Variants in GRAMD1C observed in about 807,000 individuals in gnomAD.
GRAMD1C encodes the protein protein Aster-C.
In GRAMD1C, 89 loss-of-function variants were observed where a neutral mutation model predicts 97.8. The ratio of observed to expected loss-of-function variants is 0.91; its 90% CI spans 0.77 to 1.09. The LOEUF is 1.09. Ranked by LOEUF, GRAMD1C falls within the 50% of genes least tolerant of loss-of-function variation. The probability of loss-of-function intolerance (pLI) is 0.00; values close to 1 mark genes in which losing one functional copy is unlikely to be tolerated. For missense variants in GRAMD1C, 740 were observed against 766.4 expected (o/e 0.97, Z 0.41); for synonymous variants, 256 against 267.0 (o/e 0.96, Z 0.40).
chr3:113,922,074 C>CA (rs1559816780), intron 10 of GRAMD1C, among the ~76,000 whole-genome samples: 1 of 148,628 alleles, frequency 6.7e-6, no homozygotes, highest in Non-Finnish European at 1.5e-5. Flanking sequence ...AATTTTCTTT[C>CA]TTTTTTTTTT....
intron 2 of GRAMD1C, among the ~76,000 whole-genome samples, chr3:113,864,871 C>T (rs1018785582): frequency 6.6e-6 from 1 of 152,194 alleles, no homozygotes; most frequent in African/African-American, 2.4e-5. Context: ...CTAACCATCA[C>T]CCAGTTCCAA....
At chr3:113,848,985 A>AAACG (rs1276094057) in intron 2 of GRAMD1C, among the ~76,000 whole-genome samples, 2 of 38 alleles carry the variant, frequency 0.053, no homozygotes, top group African/African-American at 0.33. Context: ...GCAAAATGTA[A>AAACG]AACAAACAAA....
intron 1 of GRAMD1C, among the ~76,000 whole-genome samples, chr3:113,839,749 T>C (rs369178988): frequency 1.3e-5 from 2 of 152,188 alleles, no homozygotes; most frequent in Admixed American, 6.5e-5. Flanking sequence ...ACAGACATGA[T>C]CCCTGCTCTC....
chr3:113,925,823 C>T (rs1020103905), intron 10 of GRAMD1C, among the ~76,000 whole-genome samples: 3 of 152,192 alleles, frequency 2.0e-5, no homozygotes, highest in African/African-American at 7.2e-5. Context: ...TTCTCCTTCA[C>T]TTATGAAACT....
At chr3:113,867,596 C>T (rs34319125) in intron 2 of GRAMD1C, among the ~76,000 whole-genome samples, 44,416 of 152,128 alleles carry the variant, frequency 0.29, 7,760 homozygotes, top group Non-Finnish European at 0.38. Context: ...ACGCCAGGCT[C>T]GGACTTCCTT....
intron 3 of GRAMD1C, among the ~76,000 whole-genome samples, chr3:113,870,897 G>A (rs1178614118): frequency 6.7e-6 from 1 of 148,938 alleles, no homozygotes; most frequent in Non-Finnish European, 1.5e-5. Flanking sequence ...TGGGAGGATT[G>A]CCTGAGGCCA....
At chr3:113,843,285 C>T (rs139831953) in intron 1 of GRAMD1C, among the ~76,000 whole-genome samples, 21 of 151,754 alleles carry the variant, frequency 1.4e-4, no homozygotes, top group Non-Finnish European at 2.9e-4. Flanking sequence ...CTATGTTGCC[C>T]AGGCTGGTCT....
intron 6 of GRAMD1C, chr3:113,890,745 G>A (rs1468960287): frequency 2.9e-6 from 2 of 700,102 alleles, no homozygotes; most frequent in African/African-American, 1.7e-5. Context: ...TCACATTTGT[G>A]CTTATCACAC....
intron 6 of GRAMD1C, among the ~76,000 whole-genome samples, chr3:113,899,561 A>G (rs1437623396): frequency 6.6e-6 from 1 of 152,222 alleles, no homozygotes; most frequent in Non-Finnish European, 1.5e-5. Flanking sequence ...TTAGGTACTA[A>G]ATAAATATCT....
At chr3:113,837,181 A>G (rs1709646720), upstream of GRAMD1C, among the ~76,000 whole-genome samples, 2 of 146,798 alleles carry the variant, frequency 1.4e-5, no homozygotes, top group Admixed American at 7.0e-5. Flanking sequence ...TGTTTTGCCC[A>G]GGCTGGTCTT....
intron 9 of GRAMD1C, among the ~76,000 whole-genome samples, chr3:113,914,293 G>A (rs2712337): frequency 0.22 from 33,564 of 152,080 alleles, 3,861 homozygotes; most frequent in African/African-American, 0.29. Context: ...TTTTGCCTAC[G>A]TAGAGTATTG....
In GRAMD1C at chr3:113,938,110, A is replaced by G. The variant is rs1054555994; in HGVS notation, c.1658A>G (p.Tyr553Cys). 19 of 1,538,984 alleles carry G rather than the reference A, an allele frequency of 1.2e-5. No homozygotes were observed. The highest frequency in any genetic ancestry group is 2.8e-5 in the African/African-American group (2 of 72,006). ...ITGKKKEMEN[Y>C]NVTLIVVMSI... ...GGAAAGAAAAAGGAAATGGAAAACTATAACGTCACTCTTATTGTGGTAATG... is the reference window on the plus strand; with the variant it reads ...GGAAAGAAAAAGGAAATGGAAAACTGTAACGTCACTCTTATTGTGGTAATG... The change falls in exon 15 of 18, where the codon TAT becomes TGT. Residue 553 changes from tyrosine to cysteine, a missense_variant. Transcript: ENST00000358160.
At chr3:113,858,837 G>T (rs1469313139) in intron 2 of GRAMD1C, among the ~76,000 whole-genome samples, 2 of 152,096 alleles carry the variant, frequency 1.3e-5, no homozygotes, top group African/African-American at 4.8e-5. Context: ...AAGATTACAG[G>T]TGTGAGCCAC....
chr3:113,909,570 C>T (rs964223812), intron 9 of GRAMD1C, among the ~76,000 whole-genome samples: 2 of 152,128 alleles, frequency 1.3e-5, no homozygotes, highest in African/African-American at 4.8e-5. Context: ...GTCCAGTTTT[C>T]TTTTTACTTT....
At chr3:113,917,856 CTTT>C (rs71144097) in intron 10 of GRAMD1C, among the ~76,000 whole-genome samples, 4,929 of 41,968 alleles carry the variant, frequency 0.12, 191 homozygotes, top group East Asian at 0.29. Flanking sequence ...CCATGCTTGG[CTTT>C]TTTTTTTTTT....
chr3:113,939,774 T>C (rs1306337536), intron 15 of GRAMD1C, 112 bp from the exon 16 acceptor site: 1 of 592,712 alleles, frequency 1.7e-6, no homozygotes, highest in African/African-American at 1.9e-5. Context: ...ATAACAACAA[T>C]GAAAAACAGT....
chr3:113,924,846 C>T (rs1225084257), intron 10 of GRAMD1C, among the ~76,000 whole-genome samples: 1 of 152,126 alleles, frequency 6.6e-6, no homozygotes, highest in Non-Finnish European at 1.5e-5. Flanking sequence ...ACTCAGTGAT[C>T]TGTCTAATAC....
chr3:113,829,660 A>G (rs1709532938), intron 1 of GRAMD1C, among the ~76,000 whole-genome samples: 1 of 152,152 alleles, frequency 6.6e-6, no homozygotes, highest in Admixed American at 6.5e-5. Flanking sequence ...TGCTTTATTT[A>G]TTATTCTCTC....
intron 6 of GRAMD1C, among the ~76,000 whole-genome samples, chr3:113,893,449 C>G (rs1182016446): frequency 6.6e-6 from 1 of 151,876 alleles, no homozygotes; most frequent in Non-Finnish European, 1.5e-5. Flanking sequence ...TATTCCCACT[C>G]TAGTTCTCAT....
Sources: allele counts gnomAD v4.1 joint callset (sites outside exome capture counted in the v4.1 genomes callset), GRCh38; gene constraint gnomAD v4.1.1; transcripts MANE v1.5; gene names NCBI Gene and HGNC (gene_info 2026-07-23, HGNC 2026-07-21).